Variants in FGD3 observed in about 807,000 individuals in gnomAD.
FGD3 encodes FYVE, RhoGEF and PH domain-containing protein 3.
FGD3 carries 45 observed loss-of-function variants against 71.8 expected under a neutral mutation model. That is an observed-to-expected ratio of 0.63 (90% CI 0.49 to 0.80). FGD3 has a LOEUF of 0.80. FGD3 is among the 30% of genes least tolerant of loss of function. The pLI, the probability that FGD3 is intolerant of heterozygous loss-of-function variation, is 0.00. For missense variants in FGD3, 844 were observed against 951.5 expected (o/e 0.89, Z 1.49); for synonymous variants, 378 against 392.8 (o/e 0.96, Z 0.44).
At chr9:92,983,798 C>G (rs1007552726) in intron 3 of FGD3, among the ~76,000 whole-genome samples, 1 of 152,186 alleles carries the variant, frequency 6.6e-6, no homozygotes, top group Admixed American at 6.5e-5. Context: ...TTGCTTTAAC[C>G]TTTATCTTTA....
intron 7 of FGD3, 72 bp from the exon 8 acceptor site, chr9:93,011,142 C>T (rs1419808052): frequency 1.4e-6 from 2 of 1,470,054 alleles, no homozygotes; most frequent in Non-Finnish European, 1.9e-6. Context: ...GAGGCAGCTG[C>T]CCTGGAGCCC....
intron 5 of FGD3, 43 bp downstream of exon 5, chr9:93,004,180 C>T (rs2118701122): frequency 6.2e-7 from 1 of 1,608,004 alleles, no homozygotes; most frequent in Non-Finnish European, 8.5e-7. Flanking sequence ...CTCAAGTGTT[C>T]TCTAGACCAG....
intron 17 of FGD3, 110 bp from the exon 18 acceptor site, chr9:93,035,228 C>A: frequency 6.9e-7 from 1 of 1,448,616 alleles, no homozygotes; most frequent in Non-Finnish European, 9.1e-7. Context: ...CAGCACCTGC[C>A]TTGCGTTGCA....
intron 16 of FGD3, chr9:93,033,941 A>T (rs1429622383): frequency 2.6e-5 from 4 of 152,340 alleles, no homozygotes; most frequent in Admixed American, 2.0e-4. Context: ...GAGCTCCCTC[A>T]TGCCTGCAAT....
At chr9:93,034,766 G>A in intron 17 of FGD3, 85 bp downstream of exon 17, 1 of 1,449,820 alleles carries the variant, frequency 6.9e-7, no homozygotes, top group Non-Finnish European at 9.3e-7. Flanking sequence ...TGTGCCACCA[G>A]CTGGGGTCCA....
Position 93,013,944 on chromosome 9 carries a change from A to G in FGD3, c.1128A>G (p.Gln376=), listed in dbSNP as rs1322692183. The G allele has an allele frequency of 6.2e-7, 1 of 1,611,474 alleles. No homozygotes were observed. The highest frequency in any genetic ancestry group is 8.5e-7 in the Non-Finnish European group (1 of 1,179,066). Reference sequence around the variant, plus strand: ...CCAATGAACTGATCAAGGAGGGCCAAATCCAGAAACTGTCAGCCAAGAACG... The same window carrying G: ...CCAATGAACTGATCAAGGAGGGCCAGATCCAGAAACTGTCAGCCAAGAACG... ...NPANELIKEG[Q]IQKLSAKNGT... is the part of the protein sequence containing the mutation. Residue 376 remains glutamine, a synonymous_variant, in exon 9 of 18, where the codon CAA becomes CAG. Coordinates refer to ENST00000375482, the MANE Select transcript of FGD3 (RefSeq NM_001083536.2).
intron 1 of FGD3, among the ~76,000 whole-genome samples, chr9:92,949,723 C>T (rs569550454): frequency 6.6e-6 from 1 of 152,268 alleles, no homozygotes; most frequent in Admixed American, 6.5e-5. Flanking sequence ...AGGCGAGGTG[C>T]TTGTGTGTGC....
chr9:92,994,060 G>A (rs1266015354), intron 3 of FGD3, among the ~76,000 whole-genome samples: 1 of 152,292 alleles, frequency 6.6e-6, no homozygotes, highest in Non-Finnish European at 1.5e-5. Context: ...CACAATGGTT[G>A]AACTAGTTTA....
At chr9:93,007,675 T>C (rs997366597) in intron 6 of FGD3, among the ~76,000 whole-genome samples, 10 of 152,210 alleles carry the variant, frequency 6.6e-5, no homozygotes, top group African/African-American at 2.4e-4. Context: ...GGTTGCAGGC[T>C]AGCCACTGGT....
chr9:92,957,563 T>C (rs1365565943), intron 1 of FGD3, among the ~76,000 whole-genome samples: 1 of 152,194 alleles, frequency 6.6e-6, no homozygotes, highest in Admixed American at 6.5e-5. Flanking sequence ...GTTTGTCTTT[T>C]TTTTTCATTG....
intron 1 of FGD3, among the ~76,000 whole-genome samples, chr9:92,968,182 C>G (rs1309459555): frequency 1.3e-5 from 2 of 152,146 alleles, no homozygotes; most frequent in Non-Finnish European, 2.9e-5. Flanking sequence ...CCAGGCTGTC[C>G]AGCCTCTTCT....
chr9:92,989,966 A>G (rs1343674654), intron 3 of FGD3, among the ~76,000 whole-genome samples: 3 of 82,716 alleles, frequency 3.6e-5, no homozygotes, highest in Non-Finnish European at 7.5e-5. Context: ...ATTCCTAGGT[A>G]TTTATTTTGC....
chr9:92,970,479 G>C (rs1306981846), intron 1 of FGD3, among the ~76,000 whole-genome samples: 1 of 152,210 alleles, frequency 6.6e-6, no homozygotes, highest in South Asian at 2.1e-4. Flanking sequence ...AATCAGGAGA[G>C]GGGGTGGTGA....
intron 13 of FGD3, among the ~76,000 whole-genome samples, chr9:93,021,986 C>A (rs1009317260): frequency 6.6e-6 from 1 of 152,162 alleles, no homozygotes; most frequent in Non-Finnish European, 1.5e-5. Flanking sequence ...CCACAAGGAA[C>A]CCTGGAGGAT....
At chr9:92,993,513 T>C (rs2118658082) in intron 3 of FGD3, among the ~76,000 whole-genome samples, 1 of 152,292 alleles carries the variant, frequency 6.6e-6, no homozygotes, top group South Asian at 2.1e-4. Context: ...ATGTGCACAA[T>C]GTGCAGGTTT....
In FGD3 at chr9:93,032,801, C is replaced by G; in HGVS notation, c.1713C>G (p.Ala571=). The change falls in exon 16 of 18, where the codon GCC becomes GCG. Residue 571 remains alanine, a synonymous_variant. Coordinates refer to ENST00000375482, the MANE Select transcript of FGD3 (RefSeq NM_001083536.2). ...VICGKCSEFK[A]ENSRQSRVCR... is the part of the protein sequence containing the mutation. ...GTGGGAAGTGCTCCGAGTTCAAGGC[C>G]GAGAACAGCCGGCAGAGCCGTGTCT... 6.2e-7 allele frequency: 1 copy of G among 1,614,212 alleles called. No homozygotes were observed. Among genetic ancestry groups the G allele is most frequent in the Admixed American group, 1.7e-5 (1 of 60,024 alleles).
intron 11 of FGD3, among the ~76,000 whole-genome samples, chr9:93,018,771 A>G (rs1861801188): frequency 6.6e-6 from 1 of 152,184 alleles, no homozygotes; most frequent in Admixed American, 6.5e-5. Context: ...TACCAAGGGA[A>G]GTTGATGAAA....
intron 1 of FGD3, among the ~76,000 whole-genome samples, chr9:92,957,629 T>G (rs1478297120): frequency 1.3e-5 from 2 of 152,010 alleles, no homozygotes; most frequent in African/African-American, 4.8e-5. Context: ...ATATATGTAT[T>G]GCAAATGTTT....
intron 1 of FGD3, chr9:92,974,553 C>G (rs747417976): frequency 6.6e-6 from 1 of 152,308 alleles, no homozygotes; most frequent in Non-Finnish European, 1.5e-5. Context: ...GCCACCAGGA[C>G]GCTGCCAGAG....
Sources: gnomAD v4.1 joint callset for allele counts (sites outside exome capture counted in the v4.1 genomes callset) on GRCh38, gnomAD v4.1.1 for gene constraint, MANE v1.5 for transcripts, NCBI Gene and HGNC (gene_info 2026-07-23, HGNC 2026-07-21) for gene names.